MYO3B: variants seen among roughly 807,000 people sequenced by gnomAD.
MYO3B encodes the protein myosin-IIIb.
A neutral mutation model predicts 174.6 loss-of-function variants in MYO3B; 156 were observed. The observed-to-expected ratio is 0.89, with a 90% CI of 0.78 to 1.02. MYO3B has a LOEUF of 1.02. Among genes scored for constraint, MYO3B ranks in the 50% least tolerant of loss-of-function variants. The pLI is 0.00. For missense variants in MYO3B, 1,632 were observed against 1,639.4 expected, an observed-to-expected ratio of 1.00 and a Z score of 0.08; for synonymous variants, 563 against 569.1, an observed-to-expected ratio of 0.99 and a Z score of 0.15.
At chr2:170,625,555 C>G (rs1436591246) in intron 32 of MYO3B, among the ~76,000 whole-genome samples, 1 of 152,190 alleles carries the variant, frequency 6.6e-6, no homozygotes. Context: ...CTATCTCCCT[C>G]ATTTCTGCTC....
At chr2:170,584,148 A>G (rs1178162923) in intron 32 of MYO3B, among the ~76,000 whole-genome samples, 4 of 152,184 alleles carry the variant, frequency 2.6e-5, no homozygotes, top group Admixed American at 6.5e-5. Context: ...ATGAATCTGA[A>G]TTTTTTATTT....
chr2:170,542,873 C>G, intron 30 of MYO3B, 33 bp from the exon 31 acceptor site: 1 of 1,512,414 alleles, frequency 6.6e-7, no homozygotes, highest in East Asian at 2.3e-5. Flanking sequence ...ATTTTCAAGT[C>G]TTTTAAAATT....
intron 32 of MYO3B, among the ~76,000 whole-genome samples, chr2:170,591,052 A>C (rs79097742): frequency 2.6e-5 from 4 of 152,228 alleles, no homozygotes; most frequent in Non-Finnish European, 5.9e-5. Context: ...AAAAGTGAAC[A>C]TTATCAAAGT....
intron 25 of MYO3B, among the ~76,000 whole-genome samples, chr2:170,472,641 A>G (rs59266156): frequency 0.31 from 46,575 of 151,666 alleles, 7,440 homozygotes; most frequent in African/African-American, 0.39. Context: ...AACTGCCTGG[A>G]AGGCAGGGAT....
intron 28 of MYO3B, among the ~76,000 whole-genome samples, chr2:170,514,438 A>AG (rs371454170): frequency 5.6e-4 from 85 of 152,328 alleles, no homozygotes; most frequent in African/African-American, 1.9e-3. Context: ...ACAGGAAGGG[A>AG]GGGGCACTTC....
At chr2:170,297,784 T>C (rs940459117) in intron 7 of MYO3B, among the ~76,000 whole-genome samples, 1 of 152,240 alleles carries the variant, frequency 6.6e-6, no homozygotes, top group Admixed American at 6.5e-5. Context: ...TTCTTGCCAT[T>C]ATCAGTCTGA....
chr2:170,484,761 G>A (rs149867272), intron 25 of MYO3B, among the ~76,000 whole-genome samples: 1 of 152,256 alleles, frequency 6.6e-6, no homozygotes, highest in Non-Finnish European at 1.5e-5. Context: ...ATGGTGGCCA[G>A]CTGTTCTGTC....
At chr2:170,513,875 A>G (rs1688132844) in intron 28 of MYO3B, among the ~76,000 whole-genome samples, 1 of 152,180 alleles carries the variant, frequency 6.6e-6, no homozygotes, top group African/African-American at 2.4e-5. Flanking sequence ...AGGAGGGAGA[A>G]AGACAGGATT....
At chr2:170,639,024 C>T (rs909917801) in intron 32 of MYO3B, among the ~76,000 whole-genome samples, 2 of 152,094 alleles carry the variant, frequency 1.3e-5, no homozygotes, top group Admixed American at 6.5e-5. Context: ...GAGCTGGAGA[C>T]GAGTGCCCCA....
chr2:170,470,642 T>C (rs1684929115), intron 25 of MYO3B, among the ~76,000 whole-genome samples: 1 of 152,206 alleles, frequency 6.6e-6, no homozygotes, highest in African/African-American at 2.4e-5. Context: ...TTCTTGGTCA[T>C]ATGGTAACCC....
chr2:170,293,040 G>T (rs541447282), intron 7 of MYO3B, among the ~76,000 whole-genome samples: 13 of 152,100 alleles, frequency 8.5e-5, no homozygotes, highest in Admixed American at 2.0e-4. Flanking sequence ...GCACCATGAG[G>T]GGGAGAGGCC....
intron 3 of MYO3B, among the ~76,000 whole-genome samples, chr2:170,212,059 C>G (rs890291041): frequency 2.3e-4 from 35 of 151,916 alleles, no homozygotes; most frequent in Admixed American, 2.2e-3. Flanking sequence ...GCCTGACCAA[C>G]ATGGAGAAAC....
intron 7 of MYO3B, among the ~76,000 whole-genome samples, chr2:170,241,254 A>G (rs2093129381): frequency 6.6e-6 from 1 of 152,186 alleles, no homozygotes; most frequent in African/African-American, 2.4e-5. Flanking sequence ...TTTAGGAGGA[A>G]GCAATAGAAT....
chr2:170,266,488 A>T lies in MYO3B; in HGVS notation c.749+30352A>T, dbSNP rs370478928. ...CTGGTTTTAGAATATTCTTAAGGTC[A>T]TTCTTTCAATGGCTGATCTATTTCT... On this transcript the variant is annotated intron_variant, in intron 7 of 34. Transcript: ENST00000408978. Among the ~76,000 whole-genome samples the T allele has an allele frequency of 4.6e-5, 7 of 152,282 alleles. No individual in the cohort carries two copies. The South Asian group carries it at 8.3e-4, about 18-fold the overall frequency.
At chr2:170,647,035 A>G in intron 32 of MYO3B, 2 of 623,516 alleles carry the variant, frequency 3.2e-6, no homozygotes, top group Non-Finnish European at 5.3e-6. Context: ...CTTTAATATA[A>G]TTAAACGCAT....
At chr2:170,273,885 C>A (rs1427806352) in intron 7 of MYO3B, among the ~76,000 whole-genome samples, 1 of 152,104 alleles carries the variant, frequency 6.6e-6, no homozygotes, top group African/African-American at 2.4e-5. Flanking sequence ...GGCCTGGAGA[C>A]CCCACTTTAA....
intron 32 of MYO3B, among the ~76,000 whole-genome samples, chr2:170,624,661 C>T (rs977283336): frequency 7.9e-5 from 12 of 152,272 alleles, no homozygotes; most frequent in Middle Eastern, 3.4e-3. Flanking sequence ...AGAGGGAATG[C>T]TTCCAGTTTT....
chr2:170,371,214 T>A (rs2094241745), intron 9 of MYO3B, among the ~76,000 whole-genome samples: 1 of 81,270 alleles, frequency 1.2e-5, no homozygotes, highest in Admixed American at 1.3e-4. Flanking sequence ...CAAGACAGTG[T>A]CTAAAAAAAA....
intron 1 of MYO3B, among the ~76,000 whole-genome samples, chr2:170,181,288 T>G (rs1446549733): frequency 6.6e-6 from 1 of 152,208 alleles, no homozygotes; most frequent in East Asian, 1.9e-4. Context: ...TTGACCTTGT[T>G]TGTATCCTGT....
Sources: allele counts gnomAD v4.1 joint callset (sites outside exome capture counted in the v4.1 genomes callset), GRCh38; gene constraint gnomAD v4.1.1; transcripts MANE v1.5; gene names NCBI Gene and HGNC (gene_info 2026-07-23, HGNC 2026-07-21).